The following USP10 variants were observed in gnomAD, a reference collection of about 807,000 sequenced individuals.
USP10 encodes ubiquitin carboxyl-terminal hydrolase 10.
USP10 carries 22 observed loss-of-function variants against 84.5 expected under a neutral mutation model. The ratio of observed to expected loss-of-function variants is 0.26; its 90% confidence interval spans 0.19 to 0.37. The LOEUF (loss-of-function observed/expected upper bound fraction) is 0.37. Ranked by LOEUF, USP10 falls within the 10% of genes least tolerant of loss-of-function variation. The pLI is 1.00. For missense variants in USP10, 1,019 were observed against 998.9 expected (o/e 1.02, Z -0.27); for synonymous variants, 454 against 387.6 (o/e 1.17, Z -2.01).
At chr16:84,762,136 G>A (rs1288500724) in intron 8 of USP10, among the ~76,000 whole-genome samples, 3 of 152,238 alleles carry the variant, frequency 2.0e-5, no homozygotes, top group Admixed American at 2.0e-4. Context: ...TGGGTGACTC[G>A]TCTGTGAATG....
At chr16:84,747,120 C>T (rs753153944) in intron 4 of USP10, among the ~76,000 whole-genome samples, 7 of 152,156 alleles carry the variant, frequency 4.6e-5, no homozygotes, top group African/African-American at 9.7e-5. Context: ...AATGTTACGC[C>T]GCGCGTGACT....
At position 84,744,886 on chromosome 16, in the gene USP10, G is replaced by C; in HGVS notation, c.405G>C (p.Leu135Phe). 1.9e-6 allele frequency: 3 copies of C among 1,613,692 alleles called. No homozygotes were observed. The highest frequency in any genetic ancestry group is 2.5e-6 in the Non-Finnish European group (3 of 1,179,712). Residue 135 changes from leucine to phenylalanine, a missense_variant, in exon 4 of 14, where the codon TTG becomes TTC. By Grantham distance (22) the Leu-to-Phe change is conservative. Transcript: ENST00000219473. ...DGSSNVEAEVLENDGVSGGLG... is the reference protein window; with the variant it reads ...DGSSNVEAEVFENDGVSGGLG... ...GTTCTAATGTGGAGGCGGAAGTTTT[G>C]GAAAATGATGGTGTCTCAGGTGGTC...
chr16:84,752,578 C>T (rs1392082328), intron 4 of USP10, among the ~76,000 whole-genome samples: 2 of 152,116 alleles, frequency 1.3e-5, no homozygotes, highest in South Asian at 4.1e-4. Context: ...TTAAATAGAG[C>T]GAAGAGTGAT....
At position 84,703,499 on chromosome 16, in the gene USP10, T is replaced by G. The variant is rs74883942; in HGVS notation, c.21+3388T>G. Among the ~76,000 whole-genome samples, 153 of 152,356 alleles carry G rather than the reference T, an allele frequency of 1.0e-3. 1 individual carries two copies. The highest frequency in any genetic ancestry group is 3.5e-3 in the African/African-American group (147 of 41,594). ...TCCCCCTCTAGCATATGGCTGAATG[T>G]TACTGTATTGCTGAATATCTGTTTC... On this transcript the variant is annotated intron_variant, in intron 1 of 13. Coordinates refer to ENST00000219473, the MANE Select transcript of USP10 (RefSeq NM_005153.3).
At chr16:84,742,541 G>A (rs922573107) in intron 3 of USP10, among the ~76,000 whole-genome samples, 1 of 152,210 alleles carries the variant, frequency 6.6e-6, no homozygotes, top group African/African-American at 2.4e-5. Flanking sequence ...AGCAGCCTTG[G>A]AGAAATGCTG....
intron 11 of USP10, 45 bp downstream of exon 11, chr16:84,768,403 G>A: frequency 6.8e-7 from 1 of 1,469,148 alleles, no homozygotes; most frequent in South Asian, 1.5e-5. Flanking sequence ...AGGTGCTCTG[G>A]TTTGGTGGAA....
chr16:84,732,606 C>T (rs1909387804), intron 1 of USP10: 1 of 306,484 alleles, frequency 3.3e-6, no homozygotes, highest in Non-Finnish European at 6.4e-6. Context: ...GCCACCACGC[C>T]TGGCTAATTT....
rs749796171 is a variant in USP10 at position 84,701,934 on chromosome 16, C to CTTTT, written c.21+1825_21+1826insTTTT. 2.9e-4 allele frequency among the ~76,000 whole-genome samples: 27 copies of CTTTT among 92,702 alleles called. 1 individual carries two copies. The highest frequency in any genetic ancestry group is 1.1e-3 in the African/African-American group (24 of 22,344). 60.8% of individuals were successfully genotyped at this position (92,702 alleles called of 152,430 possible). A position where few individuals can be genotyped will look rare whatever the true frequency, so the allele number is the denominator to read the frequency against. On this transcript the variant is annotated intron_variant, in intron 1 of 13. Coordinates refer to ENST00000219473, the MANE Select transcript of USP10 (RefSeq NM_005153.3). ...TAGTTTGATTTCTCATAATTTTCTT[C>CTTTT]TTCTTTTTTTTTTTTTTTTTGAGTT...
At position 84,759,340 on chromosome 16, in the gene USP10, G is replaced by A. The variant is rs765095324; in HGVS notation, c.1285-23G>A. ...TGGTGTGTCTGTTCATTTCCTTTAC[G>A]CTTCCTTACTGCCACTACATAGACA... On this transcript the variant is annotated intron_variant, in intron 5 of 13. Coordinates refer to ENST00000219473, the MANE Select transcript of USP10 (RefSeq NM_005153.3). The A allele has an allele frequency of 2.4e-5, 38 of 1,607,122 alleles. No individual in the cohort carries two copies. The Admixed American group carries it at 2.5e-4, about 11-fold the overall frequency.
chr16:84,705,465 TCACGATCCG>T (rs1282080708), intron 1 of USP10, among the ~76,000 whole-genome samples: 1 of 151,860 alleles, frequency 6.6e-6, no homozygotes, highest in Admixed American at 6.6e-5. Flanking sequence ...TCTCCTGACC[TCACGATCCG>T]CCCACCTCGG....
chr16:84,743,496 C>T (rs1910863022), intron 3 of USP10, among the ~76,000 whole-genome samples: 1 of 152,064 alleles, frequency 6.6e-6, no homozygotes. Flanking sequence ...ATATTCAGTT[C>T]TCCGCAGTAG....
At chr16:84,729,978 C>T (rs1217951455) in intron 1 of USP10, among the ~76,000 whole-genome samples, 1 of 152,126 alleles carries the variant, frequency 6.6e-6, no homozygotes, top group African/African-American at 2.4e-5. Flanking sequence ...GAAATTATGT[C>T]TGTGCAAAAT....
chr16:84,705,754 C>T (rs1448691068), intron 1 of USP10, among the ~76,000 whole-genome samples: 149 of 113,148 alleles, frequency 1.3e-3, no homozygotes, highest in African/African-American at 4.7e-3. Flanking sequence ...CAGTCTTGCT[C>T]TGTTGCCCAG....
intron 4 of USP10, among the ~76,000 whole-genome samples, chr16:84,755,365 G>T (rs908794651): frequency 1.1e-4 from 17 of 151,094 alleles, no homozygotes; most frequent in Admixed American, 1.1e-3. Context: ...TGGATCCCTA[G>T]CTCCTTGCAC....
intron 1 of USP10, among the ~76,000 whole-genome samples, chr16:84,724,438 A>G (rs1053677494): frequency 6.6e-6 from 1 of 152,210 alleles, no homozygotes; most frequent in African/African-American, 2.4e-5. Flanking sequence ...GAAATAGAAT[A>G]TACAAACAGG....
At chr16:84,755,130 G>A (rs1912381123) in intron 4 of USP10, among the ~76,000 whole-genome samples, 1 of 151,378 alleles carries the variant, frequency 6.6e-6, no homozygotes, top group African/African-American at 2.4e-5. Context: ...GGTCAACAAC[G>A]AAGGGAAGTT....
chr16:84,744,774 A>C lies in USP10; in HGVS notation c.293A>C (p.Lys98Thr). Residue 98 changes from lysine to threonine, a missense_variant, in exon 4 of 14, where the codon AAA becomes ACA. Transcript: ENST00000219473. ...TTTATTCTCGGTTGTACAGCTTCCA[A>C]AATAACCCCTGATGGTATCACTAAA... ...PEFILGCTAS[K>T]ITPDGITKEA... is the part of the protein sequence containing the mutation. 1 of 1,613,734 alleles carries C rather than the reference A, an allele frequency of 6.2e-7. No homozygotes were observed. The highest frequency in any genetic ancestry group is 2.2e-5 in the East Asian group (1 of 44,888).
chr16:84,755,635 TTAAAA>T (rs1912443231), intron 4 of USP10, among the ~76,000 whole-genome samples: 1 of 151,758 alleles, frequency 6.6e-6, no homozygotes, highest in African/African-American at 2.4e-5. Context: ...GATCCTGTCT[TTAAAA>T]TAATAATTAT....
intron 1 of USP10, among the ~76,000 whole-genome samples, chr16:84,715,882 G>A (rs2150770039): frequency 6.6e-6 from 1 of 152,238 alleles, no homozygotes; most frequent in Non-Finnish European, 1.5e-5. Context: ...CCCCACGATG[G>A]CGGAATGGCC....
Sources: gnomAD v4.1 joint callset for allele counts (sites outside exome capture counted in the v4.1 genomes callset) on GRCh38, gnomAD v4.1.1 for gene constraint, MANE v1.5 for transcripts, NCBI Gene and HGNC (gene_info 2026-07-23, HGNC 2026-07-21) for gene names.